The following ABCC5 variants were observed in gnomAD, a reference collection of about 807,000 sequenced individuals.
The protein encoded by ABCC5 is ATP binding cassette subfamily C member 5.
ABCC5 carries 61 observed loss-of-function variants against 160.9 expected under a neutral mutation model. The observed-to-expected ratio is 0.38, with a 90% CI of 0.31 to 0.47. The LOEUF (loss-of-function observed/expected upper bound fraction) is 0.47, where lower values mean the gene tolerates loss of function less well. Among genes scored for constraint, ABCC5 ranks in the 20% least tolerant of loss-of-function variants. ABCC5 has a pLI of 0.99. For synonymous variants in ABCC5, 666 were observed against 700.6 expected (o/e 0.95, Z 0.78); for missense variants, 1,308 against 1,813.3 (o/e 0.72, Z 5.06).
chr3:183,988,178 T>G lies in ABCC5; in HGVS notation c.444-261A>C, dbSNP rs1212909409. On this transcript the variant is annotated intron_variant, in intron 4 of 29. Transcript: ENST00000334444. The surrounding 1 kb of genome is among the most constrained non-coding windows in gnomAD (Gnocchi z 4.4). ...TCTTTCCACCCAGGAAAATGATCCC[T>G]GAATGCAATTTGTGAATAAGAACTT... 6.6e-6 allele frequency among the ~76,000 whole-genome samples: 1 copy of G among 152,216 alleles called. No homozygotes were observed. The highest frequency in any genetic ancestry group is 1.5e-5 in the Non-Finnish European group (1 of 68,026).
chr3:183,968,924 C>T (rs1223694043), intron 11 of ABCC5, among the ~76,000 whole-genome samples: 1 of 152,190 alleles, frequency 6.6e-6, no homozygotes, highest in Non-Finnish European at 1.5e-5. Flanking sequence ...GCAGTATCCT[C>T]ATAAAACTAA....
intron 22 of ABCC5, among the ~76,000 whole-genome samples, chr3:183,948,375 A>G (rs1208230575): frequency 2.6e-5 from 4 of 152,190 alleles, no homozygotes; most frequent in African/African-American, 9.7e-5. Context: ...ATGCACTGAC[A>G]TTTACTGTGT....
chr3:183,987,893 C>T lies in ABCC5; in HGVS notation c.468G>A (p.Glu156=). 1 of 1,614,170 alleles carries T rather than the reference C, an allele frequency of 6.2e-7. No individual in the cohort carries two copies. Among genetic ancestry groups the T allele is most frequent in the Non-Finnish European group, 8.5e-7 (1 of 1,180,042 alleles). ...CRRLERLWQE[E]LNEVGPDAAS... is the part of the protein sequence containing the mutation. ...CAGCGTCTGGCCCAACTTCATTCAG[C>T]TCTTCTTGCCACAGTCTCTCTAGTC... The change falls in exon 5 of 30, where the codon GAG becomes GAA. Residue 156 remains glutamate (E), a synonymous_variant. Coordinates refer to ENST00000334444, the MANE Select transcript of ABCC5 (RefSeq NM_005688.4). The surrounding 1 kb of genome is among the most constrained non-coding windows in gnomAD (Gnocchi z 4.2).
Position 183,961,662 on chromosome 3 carries a change from CA to C in ABCC5, c.2236-9del. 1 of 1,614,010 alleles carries C rather than the reference CA, an allele frequency of 6.2e-7. No individual in the cohort carries two copies. Reference sequence around the variant, plus strand: ...ATCACAGTCAACCAGGTACTGAAGGCAAAGGCAGAGACAACACAATATGCTG... The same window carrying C: ...ATCACAGTCAACCAGGTACTGAAGGCAAGGCAGAGACAACACAATATGCTG... On this transcript the variant is annotated splice_polypyrimidine_tract_variant and intron_variant, in intron 15 of 29. Coordinates refer to ENST00000334444, the MANE Select transcript of ABCC5 (RefSeq NM_005688.4).
rs748538075 is a variant in ABCC5, at chr3:184,014,287, A to G, written c.106T>C (p.Ser36Pro). 6.2e-7 allele frequency: 1 copy of G among 1,613,892 alleles called. No individual in the cohort carries two copies. Among genetic ancestry groups the G allele is most frequent in the Non-Finnish European group, 8.5e-7 (1 of 1,179,966 alleles). ...TSGTHRDREDSKFRRTRPLEC... is the reference protein window; with the variant it reads ...TSGTHRDREDPKFRRTRPLEC... ...ACCGGTCGAGTTCTCCTGAACTTGG[A>G]ATCTTCACGGTCTCTGTGCGTCCCA... Residue 36 changes from serine (S) to proline (P), a missense_variant, in exon 2 of 30, where the codon TCC (serine) becomes CCC (proline). Ser to Pro is a moderately conservative substitution (Grantham distance 74). Coordinates refer to ENST00000334444, the MANE Select transcript of ABCC5 (RefSeq NM_005688.4).
chr3:183,946,232 T>C (rs1714827056), intron 23 of ABCC5, among the ~76,000 whole-genome samples: 1 of 152,248 alleles, frequency 6.6e-6, no homozygotes, highest in African/African-American at 2.4e-5. Flanking sequence ...GATTCACTTC[T>C]GGACTTCCTA....
In ABCC5 at chr3:183,921,240, C is replaced by A; in HGVS notation, c.*60G>T. The A allele has an allele frequency of 9.9e-7, 1 of 1,006,564 alleles. No individual in the cohort carries two copies. Among genetic ancestry groups the A allele is most frequent in the Non-Finnish European group, 1.5e-6 (1 of 659,158 alleles). The allele number at this position is 1,006,564 out of a possible 1,614,324, so 62.4% of individuals were successfully genotyped here. A position where few individuals can be genotyped will look rare whatever the true frequency, so the allele number is the denominator to read the frequency against. ...TCGGTAGGAGGACGCGATGAGGGGCCCGCCCCAGGCAGGGAATGGCAATGC... is the reference window on the plus strand; with the variant it reads ...TCGGTAGGAGGACGCGATGAGGGGCACGCCCCAGGCAGGGAATGGCAATGC... On this transcript the variant is annotated 3_prime_UTR_variant, in exon 30 of 30. Coordinates refer to ENST00000334444, the MANE Select transcript of ABCC5 (RefSeq NM_005688.4). The surrounding 1 kb of genome is among the most constrained non-coding windows in gnomAD (Gnocchi z 4.1).
At chr3:183,926,419 G>A (rs144602408) in intron 28 of ABCC5, among the ~76,000 whole-genome samples, 78 of 151,528 alleles carry the variant, frequency 5.1e-4, no homozygotes, top group African/African-American at 1.4e-3. Flanking sequence ...GCGTGGTGAC[G>A]CGCACCTGTA....
At chr3:183,990,846 GAC>G (rs1322642362) in intron 2 of ABCC5, among the ~76,000 whole-genome samples, 1 of 152,204 alleles carries the variant, frequency 6.6e-6, no homozygotes, top group Admixed American at 6.5e-5. Flanking sequence ...CAAGAATCTA[GAC>G]ACACTTATCC....
intron 14 of ABCC5, among the ~76,000 whole-genome samples, chr3:183,964,517 A>G (rs927697621): frequency 6.6e-6 from 1 of 152,230 alleles, no homozygotes; most frequent in Non-Finnish European, 1.5e-5. Context: ...TCTGGAGAAC[A>G]GCCTAAGAAT....
Position 183,921,342 on chromosome 3 carries a change from G to T in ABCC5, c.4272C>A (p.Ala1424=). The change falls in exon 30 of 30, where the codon GCC becomes GCA. Residue 1424 remains alanine (A), a synonymous_variant. Coordinates refer to ENST00000334444, the MANE Select transcript of ABCC5 (RefSeq NM_005688.4). The surrounding 1 kb of genome is among the most constrained non-coding windows in gnomAD (Gnocchi z 4.1). ...LLSNDSSRFY[A]MFAAAENKVA... is the part of the protein sequence containing the mutation. ...CCTTGTTCTCTGCAGCAGCAAACAT[G>T]GCATAGAATCGGGAACTGTCGTTGG... is the stretch of plus-strand genomic sequence containing the variant. 2 of 1,611,352 alleles carry T rather than the reference G, an allele frequency of 1.2e-6. No individual in the cohort carries two copies. Among genetic ancestry groups the T allele is most frequent in the Non-Finnish European group, 8.5e-7 (1 of 1,177,840 alleles).
intron 2 of ABCC5, among the ~76,000 whole-genome samples, chr3:183,992,745 C>G (rs546481011): frequency 2.0e-5 from 3 of 151,694 alleles, no homozygotes; most frequent in Admixed American, 1.3e-4. Context: ...GCCAAGATAG[C>G]GCCACTGCAC....
intron 17 of ABCC5, among the ~76,000 whole-genome samples, chr3:183,955,193 G>A (rs1349760890): frequency 6.6e-6 from 1 of 152,130 alleles, no homozygotes; most frequent in African/African-American, 2.4e-5. Context: ...ACGTAATGCA[G>A]AACTTCCCCT....
chr3:183,990,338 C>T (rs558819564), intron 2 of ABCC5, among the ~76,000 whole-genome samples: 1 of 152,264 alleles, frequency 6.6e-6, no homozygotes, highest in South Asian at 2.1e-4. Flanking sequence ...ATCTCTTGAC[C>T]TCGTGATCCG....
At chr3:183,966,585 T>C (rs1717235333) in intron 12 of ABCC5, among the ~76,000 whole-genome samples, 1 of 152,162 alleles carries the variant, frequency 6.6e-6, no homozygotes, top group African/African-American at 2.4e-5. Flanking sequence ...ATTGACCTTT[T>C]CTTTCCTTCT....
chr3:183,987,427 G>C lies in ABCC5; in HGVS notation c.591+343C>G. The C allele has an allele frequency of 5.7e-6, 3 of 529,006 alleles. No individual in the cohort carries two copies. Among genetic ancestry groups the C allele is most frequent in the Non-Finnish European group, 6.7e-6 (2 of 297,930 alleles). 32.8% of individuals were successfully genotyped at this position (529,006 alleles called of 1,614,324 possible). On this transcript the variant is annotated intron_variant, in intron 5 of 29. Transcript: ENST00000334444. This position sits in a 1 kb window ranked among gnomAD's most constrained non-coding sequence, Gnocchi z 4.2. ...GGCTCACCAGCCCGGGCCACACAAC[G>C]TGCTCTCACCCACTCATAGCACTGC...
chr3:183,926,774 C>T (rs1332162273), intron 28 of ABCC5, among the ~76,000 whole-genome samples: 3 of 152,090 alleles, frequency 2.0e-5, no homozygotes, highest in African/African-American at 4.8e-5. Flanking sequence ...CGGCCAGACA[C>T]GGTGGCTCAC....
At chr3:183,923,975 CT>C (rs1295569517) in intron 29 of ABCC5, among the ~76,000 whole-genome samples, 2 of 141,292 alleles carry the variant, frequency 1.4e-5, no homozygotes. Context: ...CCTCCGCTTC[CT>C]TTTTTTTTAA....
At chr3:183,924,598 A>G (rs1195674558) in intron 29 of ABCC5, among the ~76,000 whole-genome samples, 3 of 152,240 alleles carry the variant, frequency 2.0e-5, no homozygotes, top group African/African-American at 7.2e-5. Flanking sequence ...TCCTAGGGGC[A>G]TGCAAAAGAG....
Sources: allele counts gnomAD v4.1 joint callset (sites outside exome capture counted in the v4.1 genomes callset), GRCh38; gene constraint gnomAD v4.1.1; non-coding constraint Gnocchi (gnomAD v3.1); transcripts MANE v1.5; gene names NCBI Gene and HGNC (gene_info 2026-07-23, HGNC 2026-07-21).